The following CELF2 variants were observed in gnomAD, a reference collection of about 807,000 sequenced individuals.
CELF2 encodes the protein CUGBP Elav-like family member 2, also known as CUG triplet repeat RNA-binding protein 2.
Under a neutral mutation model 62.6 loss-of-function variants are expected in CELF2, and 8 were observed. The ratio of observed to expected loss-of-function variants is 0.13; its 90% CI spans 0.07 to 0.23. The LOEUF (loss-of-function observed/expected upper bound fraction) is 0.23. CELF2 is among the 10% of genes least tolerant of loss of function. The pLI is 1.00. For synonymous variants in CELF2, 258 were observed against 250.0 expected, an observed-to-expected ratio of 1.03 and a Z score of -0.30; for missense variants, 333 against 671.0, an observed-to-expected ratio of 0.50 and a Z score of 5.56.
At position 10,887,921 on chromosome 10, in the gene CELF2, G is replaced by A. The variant is rs549855163; in HGVS notation, c.54-32043G>A. Among the ~76,000 whole-genome samples the A allele has an allele frequency of 4.6e-5, 7 of 152,154 alleles. No individual in the cohort carries two copies. The South Asian group carries it at 1.2e-3, about 27-fold the overall frequency. On this transcript the variant is annotated intron_variant, in intron 1 of 13. Transcript: ENST00000636488. ...TGAGTAGCTGGAATTACTGGCATAC[G>A]CCACCACACGCGGCTAATTTTTTGT... is the stretch of plus-strand genomic sequence containing the variant.
chr10:10,900,074 A>C (rs1449629282), intron 1 of CELF2, among the ~76,000 whole-genome samples: 2 of 147,878 alleles, frequency 1.4e-5, no homozygotes, highest in Admixed American at 1.3e-4. Flanking sequence ...CATTTCTAAT[A>C]AGAAACTGAA....
intron 1 of CELF2, among the ~76,000 whole-genome samples, chr10:11,149,030 T>C (rs916260318): frequency 1.3e-5 from 2 of 152,202 alleles, no homozygotes; most frequent in South Asian, 4.1e-4. Flanking sequence ...TCCTTCTGAA[T>C]GCTGCCCAGT....
intron 2 of CELF2, among the ~76,000 whole-genome samples, chr10:11,170,511 C>T (rs1447461087): frequency 6.6e-6 from 1 of 152,008 alleles, no homozygotes; most frequent in Non-Finnish European, 1.5e-5. Context: ...GACTGTTTAT[C>T]CCTGAGTGAG....
rs771451625 is a variant in CELF2, at chr10:10,850,799, A to ATTTATT, written c.53+51998_53+52003dup. Among the ~76,000 whole-genome samples the ATTTATT allele has an allele frequency of 1.1e-3, 161 of 152,028 alleles. 1 individual carries two copies. The highest frequency in any genetic ancestry group is 9.9e-4 in the Non-Finnish European group (67 of 67,944). ...GAAACTGAGACATAGATATTAGTTT[A>ATTTATT]TTTATTTTTATTTTTATTTTTTTGA... On this transcript the variant is annotated intron_variant, in intron 1 of 13. Coordinates refer to the CELF2 transcript ENST00000636488.
intron 2 of CELF2, among the ~76,000 whole-genome samples, chr10:10,945,457 A>AG (rs1300244161): frequency 1.3e-5 from 2 of 152,208 alleles, no homozygotes; most frequent in African/African-American, 4.8e-5. Context: ...TAAGAGGAAG[A>AG]GCCAGCTCTG....
At chr10:10,518,522 A>C in the CELF2 span, among the ~76,000 whole-genome samples, 5 of 152,182 alleles carry the variant, frequency 3.3e-5, no homozygotes, top group Non-Finnish European at 7.3e-5. Context: ...ATGATTCTAT[A>C]ATCTCAAACA....
chr10:10,753,781 GC>G, the CELF2 span, among the ~76,000 whole-genome samples: 1 of 152,202 alleles, frequency 6.6e-6, no homozygotes, highest in East Asian at 1.9e-4. Flanking sequence ...TAAAGTTTAT[GC>G]ATTGAACTAT....
At chr10:10,539,325 A>AAACTGTTTTGTTTTTAC in the CELF2 span, among the ~76,000 whole-genome samples, 303 of 152,334 alleles carry the variant, frequency 2.0e-3, 9 homozygotes, top group Non-Finnish European at 4.7e-4. Context: ...CCATTAGAGA[A>AAACTGTTTTGTTTTTAC]AACTGTTTTG....
At chr10:11,253,562 A>G (rs375946330) in intron 4 of CELF2, among the ~76,000 whole-genome samples, 12 of 152,376 alleles carry the variant, frequency 7.9e-5, no homozygotes, top group African/African-American at 2.6e-4. Flanking sequence ...GCACTAACAC[A>G]TTGAAAAGTT....
the CELF2 span, among the ~76,000 whole-genome samples, chr10:10,782,004 G>A: frequency 2.0e-5 from 3 of 152,076 alleles, no homozygotes; most frequent in Admixed American, 2.0e-4. Flanking sequence ...ATTTTATTCG[G>A]TATTTTAAGT....
At chr10:11,138,657 G>C (rs753517834) in intron 1 of CELF2, among the ~76,000 whole-genome samples, 1 of 152,224 alleles carries the variant, frequency 6.6e-6, no homozygotes, top group African/African-American at 2.4e-5. Flanking sequence ...GGGGGCAGGT[G>C]TCATGAACTG....
rs535051059 is a variant in CELF2, at chr10:10,866,897, G to A, written c.54-53067G>A. On this transcript the variant is annotated intron_variant, in intron 1 of 13. Transcript: ENST00000636488. ...ATCACACCGTTGCACTCCAGCCTGG[G>A]TGACAAGAGTGAAACTCCTTCTCAA... Among the ~76,000 whole-genome samples, 572 of 146,164 alleles carry A rather than the reference G, an allele frequency of 3.9e-3. 4 individuals are homozygous for A. The highest frequency in any genetic ancestry group is 0.017 in the South Asian group (77 of 4,510).
At chr10:10,685,139 G>C in the CELF2 span, among the ~76,000 whole-genome samples, 1 of 152,158 alleles carries the variant, frequency 6.6e-6, no homozygotes, top group East Asian at 1.9e-4. Flanking sequence ...GCATGGTGTG[G>C]TTTTGATGAT....
intron 1 of CELF2, among the ~76,000 whole-genome samples, chr10:11,021,163 TAATA>T (rs746817037): frequency 9.2e-5 from 14 of 152,318 alleles, no homozygotes; most frequent in South Asian, 8.3e-4. Context: ...TAAACAAAGC[TAATA>T]AATAAAGTCT....
At chr10:10,871,180 C>A (rs551001909) in intron 1 of CELF2, among the ~76,000 whole-genome samples, 1 of 152,256 alleles carries the variant, frequency 6.6e-6, no homozygotes, top group South Asian at 2.1e-4. Flanking sequence ...GCCCTGGGGT[C>A]CAGTGTCAAA....
chr10:10,970,975 T>A (rs1400863972), intron 2 of CELF2, among the ~76,000 whole-genome samples: 1 of 152,176 alleles, frequency 6.6e-6, no homozygotes, highest in Admixed American at 6.5e-5. Context: ...CCCATGGAAC[T>A]GATGACATTG....
the CELF2 span, among the ~76,000 whole-genome samples, chr10:10,489,169 A>G: frequency 6.6e-6 from 1 of 152,090 alleles, no homozygotes; most frequent in Non-Finnish European, 1.5e-5. Context: ...AAAACTTCCC[A>G]TAACCTACAC....
At chr10:11,317,127 C>T (rs2095065008) in intron 10 of CELF2, 1 of 151,262 alleles carries the variant, frequency 6.6e-6, no homozygotes, top group African/African-American at 2.4e-5. Flanking sequence ...ATGCATAATT[C>T]GAATGGCTTC....
intron 9 of CELF2, among the ~76,000 whole-genome samples, 172 bp downstream of exon 9, chr10:11,288,724 C>T (rs758418014): frequency 9.2e-5 from 14 of 152,116 alleles, no homozygotes; most frequent in East Asian, 1.9e-4. Context: ...GGTCAAAGTT[C>T]GAATTTGTCT....
Sources: allele counts gnomAD v4.1 joint callset (sites outside exome capture counted in the v4.1 genomes callset), GRCh38; gene constraint gnomAD v4.1.1; transcripts MANE v1.5; gene names NCBI Gene and HGNC (gene_info 2026-07-23, HGNC 2026-07-21).